The following ATP1B2 variants were observed in gnomAD, a reference collection of about 807,000 sequenced individuals.
ATP1B2 encodes the protein ATPase Na+/K+ transporting subunit beta 2.
ATP1B2 carries 12 observed loss-of-function variants against 37.3 expected under a neutral mutation model. That is an observed-to-expected ratio of 0.32 (90% CI 0.21 to 0.52). The LOEUF (loss-of-function observed/expected upper bound fraction) is 0.52, where lower values mean the gene tolerates loss of function less well. Ranked by LOEUF, ATP1B2 falls within the 20% of genes least tolerant of loss-of-function variation. ATP1B2 has a pLI of 0.96. For missense variants in ATP1B2, 324 were observed against 391.6 expected (o/e 0.83, Z 1.46); for synonymous variants, 139 against 140.5 (o/e 0.99, Z 0.07).
At position 7,654,471 on chromosome 17, in the gene ATP1B2, T is replaced by C. The variant is rs577169734; in HGVS notation, c.553-157T>C. On this transcript the variant is annotated intron_variant, in intron 4 of 6. Transcript: ENST00000250111. The surrounding 1 kb of genome is among the most constrained non-coding windows in gnomAD (Gnocchi z 4.9). ...TTTTTTTTTAGACAGGGTCTTGCTA[T>C]GTTGCCCAGGCTGGCCTTGAACTCC... Among the ~76,000 whole-genome samples, 2 of 152,064 alleles carry C rather than the reference T, an allele frequency of 1.3e-5. No homozygotes were observed. The highest frequency in any genetic ancestry group is 2.9e-5 in the Non-Finnish European group (2 of 67,986).
rs2072609193 is a variant in ATP1B2 at position 7,651,191 on chromosome 17, A to C, written c.-328A>C. 16 of 261,034 alleles carry C rather than the reference A, an allele frequency of 6.1e-5. No individual in the cohort carries two copies. Among genetic ancestry groups the C allele is most frequent in the South Asian group, 1.6e-4 (4 of 25,040 alleles). The allele number at this position is 261,034 out of a possible 1,614,324, so 16.2% of individuals were successfully genotyped here. On this transcript the variant is annotated 5_prime_UTR_variant, in exon 1 of 7. Coordinates refer to ENST00000250111, the MANE Select transcript of ATP1B2 (RefSeq NM_001678.5). ...TTGTAGCCGTCTGTTTTTGCACCCC[A>C]TTTCGTTTTGTTTCTAGACGGTTTG...
At position 7,651,220 on chromosome 17, in the gene ATP1B2, G is replaced by T. The variant is rs1194501328; in HGVS notation, c.-299G>T. 8 of 369,124 alleles carry T rather than the reference G, an allele frequency of 2.2e-5. 1 individual carries two copies. Among genetic ancestry groups the T allele is most frequent in the Middle Eastern group, 8.3e-4 (1 of 1,200 alleles). The allele number at this position is 369,124 out of a possible 1,614,324, so 22.9% of individuals were successfully genotyped here. On this transcript the variant is annotated 5_prime_UTR_variant, in exon 1 of 7. Transcript: ENST00000250111. ...CGTTTTGTTTCTAGACGGTTTGGTGGGGGGTGAAGCTGCATTCATACCCCT... is the reference window on the plus strand; with the variant it reads ...CGTTTTGTTTCTAGACGGTTTGGTGTGGGGTGAAGCTGCATTCATACCCCT...
chr17:7,653,268 G>T, intron 1 of ATP1B2, 106 bp from the exon 2 acceptor site: 1 of 1,516,326 alleles, frequency 6.6e-7, no homozygotes. Context: ...GTGGCTCTGT[G>T]ATCAGTCCCA....
chr17:7,653,306 G>T, intron 1 of ATP1B2, 68 bp from the exon 2 acceptor site: 4 of 1,604,094 alleles, frequency 2.5e-6, no homozygotes, highest in Non-Finnish European at 3.4e-6. Context: ...GGGTAGAGGG[G>T]TGTGTGGGGA....
chr17:7,648,006 TG>T (rs1331989666), upstream of ATP1B2, among the ~76,000 whole-genome samples: 1 of 151,922 alleles, frequency 6.6e-6, no homozygotes, highest in African/African-American at 2.4e-5. Flanking sequence ...CTGATGTGGG[TG>T]GATCCCTTGA....
rs2072608329 is a variant in ATP1B2 at position 7,651,106 on chromosome 17, C to T, written c.-413C>T. 9.6e-6 allele frequency: 2 copies of T among 207,866 alleles called. No individual in the cohort carries two copies. The highest frequency in any genetic ancestry group is 5.8e-5 in the Admixed American group (1 of 17,358). 12.9% of individuals were successfully genotyped at this position (207,866 alleles called of 1,614,324 possible). ...TGCATCTTGGATTTCGGGGCGGCCC[C>T]CTCCCCCACCTCTCTCTGCCTTTTT... On this transcript the variant is annotated 5_prime_UTR_variant, in exon 1 of 7. Transcript: ENST00000250111.
In ATP1B2 at chr17:7,655,597, A is replaced by G; in HGVS notation, c.680A>G (p.Tyr227Cys). Residue 227 changes from tyrosine (Y) to cysteine (C), a missense_variant, in exon 6 of 7, where the codon TAC becomes TGC. Tyr to Cys is a radical substitution (Grantham distance 194, BLOSUM62 -2). Coordinates refer to ENST00000250111, the MANE Select transcript of ATP1B2 (RefSeq NM_001678.5). This position sits in a 1 kb window ranked among gnomAD's most constrained non-coding sequence, Gnocchi z 4.4. ...FPANGNIDLMYFPYYGKKFHV... is the reference protein window; with the variant it reads ...FPANGNIDLMCFPYYGKKFHV... ...GCCAACGGCAACATCGACCTCATGT[A>G]CTTCCCCTACTATGGCAAAAAGTTC... The G allele has an allele frequency of 6.2e-7, 1 of 1,614,128 alleles. No individual in the cohort carries two copies. Among genetic ancestry groups the G allele is most frequent in the Non-Finnish European group, 8.5e-7 (1 of 1,180,038 alleles).
At position 7,655,676 on chromosome 17, in the gene ATP1B2, G is replaced by A. The variant is rs371442690; in HGVS notation, c.708+51G>A. 1,049 of 1,613,968 alleles carry A rather than the reference G, an allele frequency of 6.5e-4. 18 individuals carry two copies. The South Asian group carries it at 0.011, about 17-fold the overall frequency. On this transcript the variant is annotated intron_variant, in intron 6 of 6. Transcript: ENST00000250111. The surrounding 1 kb of genome is among the most constrained non-coding windows in gnomAD (Gnocchi z 4.4). ...GATGGCGGGTGCGGGTGGTGAGCTA[G>A]GGAAGGAGGCCGCGTTGCCCCAGGC...
chr17:7,649,407 A>T (rs1385376933), upstream of ATP1B2, among the ~76,000 whole-genome samples: 2 of 149,600 alleles, frequency 1.3e-5, no homozygotes, highest in African/African-American at 4.9e-5. Flanking sequence ...TCTTTTTTTG[A>T]GACGAAGTCT....
Position 7,655,486 on chromosome 17 carries a change from T to C in ATP1B2, c.610-41T>C, listed in dbSNP as rs1354045675. ...CTGGTGAGCTCCTGGGTGCCTGCCA[T>C]CCCTAACTGGCTCACCCCCTATCTT... On this transcript the variant is annotated intron_variant, in intron 5 of 6. Coordinates refer to ENST00000250111, the MANE Select transcript of ATP1B2 (RefSeq NM_001678.5). This position sits in a 1 kb window ranked among gnomAD's most constrained non-coding sequence, Gnocchi z 4.4. 6.3e-7 allele frequency: 1 copy of C among 1,598,264 alleles called. No homozygotes were observed. Among genetic ancestry groups the C allele is most frequent in the Non-Finnish European group, 8.6e-7 (1 of 1,166,202 alleles).
Position 7,657,465 on chromosome 17 carries a change from A to G in ATP1B2, c.*1570A>G, listed in dbSNP as rs1410437214. The stretch of plus-strand genomic sequence containing the variant: ...GGGCCTCCTGCCTCCTGCTCTGAAT[A>G]TTCTGTAGCTGTAGAGGCATTTTAA... On this transcript the variant is annotated 3_prime_UTR_variant, in exon 7 of 7. Transcript: ENST00000250111. 1 of 152,038 alleles carries G rather than the reference A, an allele frequency of 6.6e-6. No individual in the cohort carries two copies. Among genetic ancestry groups the G allele is most frequent in the Non-Finnish European group, 1.5e-5 (1 of 68,038 alleles). The allele number at this position is 152,038 out of a possible 1,614,324, so 9.4% of individuals were successfully genotyped here.
rs1458743584 is a variant in ATP1B2 at position 7,654,552 on chromosome 17, C to T, written c.553-76C>T. 17 of 1,503,832 alleles carry T rather than the reference C, an allele frequency of 1.1e-5. No individual in the cohort carries two copies. The East Asian group carries it at 1.4e-4, about 12-fold the overall frequency. The allele number at this position is 1,503,832 out of a possible 1,614,324, so 93.2% of individuals were successfully genotyped here. On this transcript the variant is annotated intron_variant, in intron 4 of 6. Transcript: ENST00000250111. This position sits in a 1 kb window ranked among gnomAD's most constrained non-coding sequence, Gnocchi z 4.9. ...CCCTAGTAGTTGGGACTACAGTCCC[C>T]GGCTTAGCTTGGTCTGGATGCCCAT...
In ATP1B2 at chr17:7,653,409, T is replaced by C. The variant is rs1362607773; in HGVS notation, c.148T>C (p.Phe50Leu). 8.1e-6 allele frequency: 13 copies of C among 1,613,944 alleles called. No individual in the cohort carries two copies. The highest frequency in any genetic ancestry group is 1.3e-5 in the African/African-American group (1 of 74,894). ...CCTCTTCTACCTCGTTTTTTATGGG[T>C]TCCTCACCGCCATGTTCACCCTCAC... ...ILLFYLVFYG[F>L]LTAMFTLTMW... The change falls in exon 2 of 7, where the codon TTC becomes CTC. Residue 50 changes from phenylalanine (F) to leucine (L), a missense_variant. Phe to Leu is a conservative substitution (Grantham distance 22, BLOSUM62 0). Transcript: ENST00000250111.
chr17:7,652,071 G>T (rs1016742861), intron 1 of ATP1B2, among the ~76,000 whole-genome samples: 1 of 152,060 alleles, frequency 6.6e-6, no homozygotes, highest in African/African-American at 2.4e-5. Context: ...GGTCTTGGGG[G>T]GTGTGTTAGG....
chr17:7,648,252 C>A (rs2068190173), upstream of ATP1B2, among the ~76,000 whole-genome samples: 1 of 150,590 alleles, frequency 6.6e-6, no homozygotes, highest in African/African-American at 2.4e-5. Context: ...AAACAAAAAA[C>A]CATGAGAAGC....
chr17:7,653,411 C>T lies in ATP1B2; in HGVS notation c.150C>T (p.Phe50=), dbSNP rs564913324. The T allele has an allele frequency of 7.1e-5, 114 of 1,613,938 alleles. 1 individual carries two copies. The South Asian group carries it at 1.1e-3, about 16-fold the overall frequency. Residue 50 remains phenylalanine (F), a synonymous_variant, in exon 2 of 7, where the codon TTC becomes TTT. Transcript: ENST00000250111. ...TCTTCTACCTCGTTTTTTATGGGTTCCTCACCGCCATGTTCACCCTCACCA... is the reference window on the plus strand; with the variant it reads ...TCTTCTACCTCGTTTTTTATGGGTTTCTCACCGCCATGTTCACCCTCACCA... The part of the protein sequence containing the change: ...ILLFYLVFYG[F]LTAMFTLTMW...
chr17:7,654,788 C>T lies in ATP1B2; in HGVS notation c.609+104C>T, dbSNP rs1487085818. On this transcript the variant is annotated intron_variant, in intron 5 of 6. Transcript: ENST00000250111. This position sits in a 1 kb window ranked among gnomAD's most constrained non-coding sequence, Gnocchi z 4.9. ...CTGTCTCTCCCTATCTTCTTTGCTC[C>T]TAGAGGCCCCATCACCATAGAAACA... The T allele has an allele frequency of 7.4e-7, 1 of 1,355,608 alleles. No individual in the cohort carries two copies. The highest frequency in any genetic ancestry group is 2.3e-5 in the East Asian group (1 of 43,186). 84.0% of individuals were successfully genotyped at this position (1,355,608 alleles called of 1,614,324 possible). A position where few individuals can be genotyped will look rare whatever the true frequency, so the allele number is the denominator to read the frequency against.
chr17:7,655,486 T>TCCCTAACTGGCTCACC lies in ATP1B2; in HGVS notation c.610-35_610-20dup. 1 of 1,598,382 alleles carries TCCCTAACTGGCTCACC rather than the reference T, an allele frequency of 6.3e-7. No homozygotes were observed. The highest frequency in any genetic ancestry group is 8.6e-7 in the Non-Finnish European group (1 of 1,166,194). On this transcript the variant is annotated intron_variant, in intron 5 of 6. Coordinates refer to ENST00000250111, the MANE Select transcript of ATP1B2 (RefSeq NM_001678.5). This position sits in a 1 kb window ranked among gnomAD's most constrained non-coding sequence, Gnocchi z 4.4. ...CTGGTGAGCTCCTGGGTGCCTGCCA[T>TCCCTAACTGGCTCACC]CCCTAACTGGCTCACCCCCTATCTT...
rs2072637052 is a variant in ATP1B2, at chr17:7,654,578, C to T, written c.553-50C>T. 1 of 1,598,984 alleles carries T rather than the reference C, an allele frequency of 6.3e-7. No individual in the cohort carries two copies. Among genetic ancestry groups the T allele is most frequent in the Non-Finnish European group, 8.6e-7 (1 of 1,166,300 alleles). On this transcript the variant is annotated intron_variant, in intron 4 of 6. Transcript: ENST00000250111. The surrounding 1 kb of genome is among the most constrained non-coding windows in gnomAD (Gnocchi z 4.9). ...GGCTTAGCTTGGTCTGGATGCCCAT[C>T]TTCGACAACTTCTTCCTCTGACTCT...
Sources: allele counts gnomAD v4.1 joint callset (sites outside exome capture counted in the v4.1 genomes callset), GRCh38; gene constraint gnomAD v4.1.1; non-coding constraint Gnocchi (gnomAD v3.1); transcripts MANE v1.5; gene names NCBI Gene and HGNC (gene_info 2026-07-23, HGNC 2026-07-21).